CFAP20DC: variants seen among roughly 807,000 people sequenced by gnomAD.
CFAP20DC encodes the protein protein CFAP20DC.
A neutral mutation model predicts 101.7 loss-of-function variants in CFAP20DC; 84 were observed. The ratio of observed to expected loss-of-function variants is 0.83; its 90% confidence interval spans 0.69 to 0.99. The LOEUF (loss-of-function observed/expected upper bound fraction) is 0.99. Ranked by LOEUF, CFAP20DC falls within the 50% of genes least tolerant of loss-of-function variation. The pLI is 0.00. For synonymous variants in CFAP20DC, 359 were observed against 351.2 expected (o/e 1.02, Z -0.25); for missense variants, 1,007 against 970.3 (o/e 1.04, Z -0.50).
At chr3:59,039,786 G>A (rs749236021) in intron 3 of CFAP20DC, among the ~76,000 whole-genome samples, 157 bp from the exon 4 acceptor site, 2 of 151,702 alleles carry the variant, frequency 1.3e-5, no homozygotes, top group South Asian at 2.1e-4. Flanking sequence ...ACCTCATTAC[G>A]AAAGCAAAAA....
intron 13 of CFAP20DC, among the ~76,000 whole-genome samples, chr3:58,835,963 T>C (rs2076709261): frequency 6.6e-6 from 1 of 152,206 alleles, no homozygotes; most frequent in African/African-American, 2.4e-5. Flanking sequence ...CATCTCAAAA[T>C]ATCCTTGTAG....
intron 7 of CFAP20DC, 130 bp from the exon 8 acceptor site, chr3:58,870,439 T>A: frequency 1.2e-6 from 1 of 811,676 alleles, no homozygotes; most frequent in Non-Finnish European, 2.0e-6. Flanking sequence ...CAGCATGTAT[T>A]AAAAACACAG....
rs1034560931 is a variant in CFAP20DC, at chr3:58,864,710, C to T, written c.1259-818G>A. On this transcript the variant is annotated intron_variant, in intron 11 of 16. Coordinates refer to ENST00000482387, the MANE Select transcript of CFAP20DC (RefSeq NM_001394063.1). The surrounding 1 kb of genome is among the most constrained non-coding windows in gnomAD (Gnocchi z 4.7). The stretch of plus-strand genomic sequence containing the variant: ...TGGCAGTCATTTCCTCTCTATTCTA[C>T]TGATTCAAACAGGACAATTCACAGA... 6.6e-6 allele frequency among the ~76,000 whole-genome samples: 1 copy of T among 152,164 alleles called. No homozygotes were observed. Among genetic ancestry groups the T allele is most frequent in the Non-Finnish European group, 1.5e-5 (1 of 68,034 alleles).
intron 13 of CFAP20DC, among the ~76,000 whole-genome samples, chr3:58,846,540 C>T (rs2077658954): frequency 6.6e-6 from 1 of 150,376 alleles, no homozygotes; most frequent in South Asian, 2.1e-4. Context: ...GAAGAACATT[C>T]CATGCTCATG....
At chr3:58,941,221 C>T (rs998122718) in intron 4 of CFAP20DC, among the ~76,000 whole-genome samples, 8 of 146,810 alleles carry the variant, frequency 5.4e-5, no homozygotes, top group South Asian at 2.1e-4. Context: ...CCCAGCTACT[C>T]AGGAGGGTGA....
chr3:58,806,740 G>A lies in CFAP20DC; in HGVS notation c.2176-284C>T, dbSNP rs561803375. Reference sequence around the variant, plus strand: ...TGCAGGACAGTGGGTGCAGCGCACCGTGTGCGAGCCGAAGCAGGGCGAAGC... The same window carrying A: ...TGCAGGACAGTGGGTGCAGCGCACCATGTGCGAGCCGAAGCAGGGCGAAGC... On this transcript the variant is annotated intron_variant, in intron 14 of 16. Coordinates refer to ENST00000482387, the MANE Select transcript of CFAP20DC (RefSeq NM_001394063.1). 1.7e-3 allele frequency among the ~76,000 whole-genome samples: 263 copies of A among 152,360 alleles called. 1 individual carries two copies. Among genetic ancestry groups the A allele is most frequent in the Middle Eastern group, 3.4e-3 (1 of 294 alleles).
At chr3:58,883,755 C>G (rs1395129528) in intron 7 of CFAP20DC, among the ~76,000 whole-genome samples, 1 of 151,922 alleles carries the variant, frequency 6.6e-6, no homozygotes, top group East Asian at 1.9e-4. Flanking sequence ...CATCCTAGAC[C>G]AATTAAATCA....
chr3:59,028,389 T>C (rs1576768730), intron 4 of CFAP20DC, among the ~76,000 whole-genome samples: 3 of 152,316 alleles, frequency 2.0e-5, no homozygotes, highest in African/African-American at 4.8e-5. Flanking sequence ...AAGGTAAAGA[T>C]AGAAATATCT....
At chr3:58,870,872 G>A (rs2080127978) in intron 7 of CFAP20DC, among the ~76,000 whole-genome samples, 1 of 121,862 alleles carries the variant, frequency 8.2e-6, no homozygotes, top group Non-Finnish European at 1.6e-5. Flanking sequence ...TCCGGCCTGG[G>A]CGACAGAGCG....
At chr3:58,811,774 C>T (rs1422024340) in intron 14 of CFAP20DC, among the ~76,000 whole-genome samples, 1 of 150,878 alleles carries the variant, frequency 6.6e-6, no homozygotes, top group Non-Finnish European at 1.5e-5. Context: ...AGACAACCTA[C>T]AAAATGGGAG....
chr3:58,831,959 G>C (rs1045824192), intron 13 of CFAP20DC, 70 bp from the exon 14 acceptor site: 1 of 1,342,644 alleles, frequency 7.4e-7, no homozygotes. Flanking sequence ...AAATGCCACA[G>C]CCTTAACCCC....
intron 6 of CFAP20DC, among the ~76,000 whole-genome samples, chr3:58,889,072 A>G (rs1386729715): frequency 6.6e-6 from 1 of 151,458 alleles, no homozygotes; most frequent in Non-Finnish European, 1.5e-5. Flanking sequence ...TGTTATCAAT[A>G]TTAAAATTAT....
At chr3:58,976,360 C>G (rs1236375457) in intron 4 of CFAP20DC, among the ~76,000 whole-genome samples, 1 of 152,116 alleles carries the variant, frequency 6.6e-6, no homozygotes, top group African/African-American at 2.4e-5. Context: ...TGATTGTTGC[C>G]AAGACACTGG....
At chr3:58,943,907 A>G (rs1239873064) in intron 4 of CFAP20DC, among the ~76,000 whole-genome samples, 2 of 152,152 alleles carry the variant, frequency 1.3e-5, no homozygotes, top group Non-Finnish European at 2.9e-5. Context: ...AAAACACAGC[A>G]CAAGAATGTT....
chr3:58,857,153 T>G (rs921012286), intron 12 of CFAP20DC, among the ~76,000 whole-genome samples: 1 of 152,218 alleles, frequency 6.6e-6, no homozygotes, highest in Non-Finnish European at 1.5e-5. Context: ...TAAAAAGTGA[T>G]AACATCATAA....
chr3:58,852,371 C>T lies in CFAP20DC; in HGVS notation c.1594-2962G>A, dbSNP rs913636094. On this transcript the variant is annotated intron_variant, in intron 12 of 16. Transcript: ENST00000482387. ...TGAGTGACCTACAAAGAGACTTAGA[C>T]TCCCACACATTAATAATGAGAGACT... 2.6e-4 allele frequency among the ~76,000 whole-genome samples: 40 copies of T among 151,810 alleles called. 1 individual carries two copies. Among genetic ancestry groups the T allele is most frequent in the Admixed American group, 1.3e-4 (2 of 15,238 alleles).
intron 4 of CFAP20DC, among the ~76,000 whole-genome samples, chr3:58,974,546 C>T (rs1264968264): frequency 6.6e-6 from 1 of 152,020 alleles, no homozygotes; most frequent in Non-Finnish European, 1.5e-5. Flanking sequence ...TTAGAATGAT[C>T]CTGTATGGCA....
chr3:58,867,300 T>C (rs1019588793), intron 10 of CFAP20DC, among the ~76,000 whole-genome samples: 1 of 152,286 alleles, frequency 6.6e-6, no homozygotes, highest in Middle Eastern at 3.4e-3. Context: ...TCGAATCCAA[T>C]ATTTAAGGGA....
chr3:58,765,342 T>C (rs1222714080), intron 15 of CFAP20DC, among the ~76,000 whole-genome samples: 1 of 151,814 alleles, frequency 6.6e-6, no homozygotes, highest in African/African-American at 2.4e-5. Context: ...GTTAGCTTAA[T>C]CATCTCTTTA....
Sources: gnomAD v4.1 joint callset for allele counts (sites outside exome capture counted in the v4.1 genomes callset) on GRCh38, gnomAD v4.1.1 for gene constraint, Gnocchi (gnomAD v3.1) non-coding constraint, MANE v1.5 for transcripts, NCBI Gene and HGNC (gene_info 2026-07-23, HGNC 2026-07-21) for gene names.